Variants in FSTL4 observed in about 807,000 individuals in gnomAD.
The protein encoded by FSTL4 is follistatin like 4, also known as follistatin-related protein 4.
FSTL4 carries 28 observed loss-of-function variants against 78.2 expected under a neutral mutation model. That is an observed-to-expected ratio of 0.36 (90% CI 0.27 to 0.49). The LOEUF (loss-of-function observed/expected upper bound fraction) is 0.49. Ranked by LOEUF, FSTL4 falls within the 20% of genes least tolerant of loss-of-function variation. FSTL4 has a pLI of 0.98. For missense variants in FSTL4, 922 were observed against 1,084.9 expected (o/e 0.85, Z 2.11); for synonymous variants, 422 against 440.5 (o/e 0.96, Z 0.53).
At chr5:133,545,277 T>C (rs904331625) in intron 3 of FSTL4, among the ~76,000 whole-genome samples, 3 of 152,150 alleles carry the variant, frequency 2.0e-5, no homozygotes, top group Non-Finnish European at 4.4e-5. Flanking sequence ...GTAGAGTCTT[T>C]AAGAGGCGAT....
At chr5:133,803,422 C>A in the FSTL4 span, among the ~76,000 whole-genome samples, 1 of 152,142 alleles carries the variant, frequency 6.6e-6, no homozygotes, top group Non-Finnish European at 1.5e-5. Flanking sequence ...ATACTTCAAC[C>A]CAACCCCCAG....
At chr5:133,366,972 T>C (rs1755193974) in intron 4 of FSTL4, among the ~76,000 whole-genome samples, 1 of 152,230 alleles carries the variant, frequency 6.6e-6, no homozygotes, top group African/African-American at 2.4e-5. Context: ...AATATTTAAA[T>C]GTATTGAAAT....
chr5:133,798,236 T>A, the FSTL4 span, among the ~76,000 whole-genome samples: 1 of 152,230 alleles, frequency 6.6e-6, no homozygotes, highest in Admixed American at 6.5e-5. Context: ...AATAAAATTT[T>A]AAATCATACA....
At chr5:133,384,333 TGGTGACA>T (rs1406211524) in intron 4 of FSTL4, among the ~76,000 whole-genome samples, 2 of 152,046 alleles carry the variant, frequency 1.3e-5, no homozygotes, top group Non-Finnish European at 2.9e-5. Flanking sequence ...CCAGACGGGG[TGGTGACA>T]GGGTGCGCCC....
At chr5:133,496,636 T>C (rs182394958) in intron 3 of FSTL4, among the ~76,000 whole-genome samples, 1 of 152,254 alleles carries the variant, frequency 6.6e-6, no homozygotes, top group East Asian at 1.9e-4. Context: ...TGCCCCATGA[T>C]GAATGTCATG....
At chr5:133,677,745 ATTTCTG>A in the FSTL4 span, among the ~76,000 whole-genome samples, 1 of 152,232 alleles carries the variant, frequency 6.6e-6, no homozygotes, top group East Asian at 1.9e-4. Context: ...GTTGCTTAAC[ATTTCTG>A]AGTCTTAATG....
chr5:133,412,105 A>AG (rs1244631766), intron 3 of FSTL4, among the ~76,000 whole-genome samples: 1 of 152,192 alleles, frequency 6.6e-6, no homozygotes, highest in Non-Finnish European at 1.5e-5. Flanking sequence ...ATTCTCATAA[A>AG]TACACAAATT....
intron 3 of FSTL4, among the ~76,000 whole-genome samples, chr5:133,401,625 G>T (rs1194053563): frequency 6.6e-6 from 1 of 152,170 alleles, no homozygotes; most frequent in Non-Finnish European, 1.5e-5. Context: ...CTGTAAGGTG[G>T]TGACATGTAT....
At chr5:133,789,984 C>T in the FSTL4 span, among the ~76,000 whole-genome samples, 1 of 152,146 alleles carries the variant, frequency 6.6e-6, no homozygotes, top group East Asian at 1.9e-4. Flanking sequence ...CTGGGTCTGC[C>T]ACAACTTGGT....
the FSTL4 span, among the ~76,000 whole-genome samples, chr5:133,787,258 C>T: frequency 2.6e-5 from 4 of 152,160 alleles, no homozygotes; most frequent in African/African-American, 9.7e-5. Context: ...ATTGGGTAGC[C>T]TCTATCTTAC....
chr5:133,742,678 T>C, the FSTL4 span, among the ~76,000 whole-genome samples: 1 of 152,134 alleles, frequency 6.6e-6, no homozygotes, highest in Non-Finnish European at 1.5e-5. Context: ...CAAAACCAGA[T>C]AATAGGCAGA....
At chr5:133,229,137 G>T (rs1751417215) in intron 8 of FSTL4, among the ~76,000 whole-genome samples, 1 of 152,204 alleles carries the variant, frequency 6.6e-6, no homozygotes, top group South Asian at 2.1e-4. Context: ...TGGATAATTG[G>T]AGAGAGATGC....
intron 3 of FSTL4, among the ~76,000 whole-genome samples, chr5:133,530,014 A>C (rs1427802524): frequency 6.6e-6 from 1 of 152,112 alleles, no homozygotes; most frequent in Non-Finnish European, 1.5e-5. Context: ...TGTGACACCC[A>C]ATTTGCTTGT....
intron 3 of FSTL4, among the ~76,000 whole-genome samples, chr5:133,527,554 T>C (rs1204720175): frequency 6.6e-6 from 1 of 151,956 alleles, no homozygotes; most frequent in Non-Finnish European, 1.5e-5. Flanking sequence ...ATTCCAGACA[T>C]AAAATGCTGT....
chr5:133,677,410 C>T, the FSTL4 span, among the ~76,000 whole-genome samples: 24 of 152,166 alleles, frequency 1.6e-4, no homozygotes, highest in African/African-American at 5.8e-4. Flanking sequence ...GTCCATGCAA[C>T]AGCACATTAA....
chr5:133,416,539 C>T (rs1756584130), intron 3 of FSTL4, among the ~76,000 whole-genome samples: 1 of 152,114 alleles, frequency 6.6e-6, no homozygotes, highest in South Asian at 2.1e-4. Context: ...CTTTTATAGA[C>T]TTTATTAATT....
chr5:133,497,985 G>A (rs1272129484), intron 3 of FSTL4, among the ~76,000 whole-genome samples: 2 of 152,030 alleles, frequency 1.3e-5, no homozygotes, highest in African/African-American at 2.4e-5. Context: ...TGTGACTTGC[G>A]GGGTCTGTCT....
chr5:133,726,793 A>C, the FSTL4 span, among the ~76,000 whole-genome samples: 2 of 152,252 alleles, frequency 1.3e-5, no homozygotes, highest in Non-Finnish European at 2.9e-5. Flanking sequence ...GACTTCAAAT[A>C]ATGAAAATAA....
chr5:133,233,039 G>A (rs1297541937), intron 8 of FSTL4, among the ~76,000 whole-genome samples: 1 of 152,364 alleles, frequency 6.6e-6, no homozygotes, highest in African/African-American at 2.4e-5. Context: ...CCTGGAAGGA[G>A]TGGTGGATTT....
Sources: gnomAD v4.1 joint callset for allele counts (sites outside exome capture counted in the v4.1 genomes callset) on GRCh38, gnomAD v4.1.1 for gene constraint, MANE v1.5 for transcripts, NCBI Gene and HGNC (gene_info 2026-07-23, HGNC 2026-07-21) for gene names.